The following GRID2 variants were observed in gnomAD, a reference collection of about 807,000 sequenced individuals.
GRID2 encodes glutamate ionotropic receptor delta type subunit 2, also known as glutamate receptor ionotropic, delta-2.
A neutral mutation model predicts 114.8 loss-of-function variants in GRID2; 33 were observed. The observed-to-expected ratio is 0.29, with a 90% CI of 0.22 to 0.38. The LOEUF (loss-of-function observed/expected upper bound fraction) is 0.38, where lower values mean the gene tolerates loss of function less well. Among genes scored for constraint, GRID2 ranks in the 10% least tolerant of loss-of-function variants. The pLI, the probability that GRID2 is intolerant of heterozygous loss-of-function variation, is 1.00. For missense variants in GRID2, 1,184 were observed against 1,257.7 expected, an observed-to-expected ratio of 0.94 and a Z score of 0.89; for synonymous variants, 505 against 449.9, an observed-to-expected ratio of 1.12 and a Z score of -1.55.
intron 4 of GRID2, among the ~76,000 whole-genome samples, chr4:93,157,896 C>A (rs72889616): frequency 0.026 from 3,897 of 151,798 alleles, 134 homozygotes; most frequent in African/African-American, 0.077. Context: ...GTTTCATTGT[C>A]CCATCAGATT....
At chr4:92,306,580 A>G (rs1725420019) in intron 1 of GRID2, among the ~76,000 whole-genome samples, 1 of 152,216 alleles carries the variant, frequency 6.6e-6, no homozygotes, top group African/African-American at 2.4e-5. Flanking sequence ...CAGGAGGGAA[A>G]GCCTGTGGAA....
chr4:92,909,657 A>C (rs759938281), intron 2 of GRID2, among the ~76,000 whole-genome samples: 1 of 152,116 alleles, frequency 6.6e-6, no homozygotes, highest in African/African-American at 2.4e-5. Context: ...AAAGTGTAAA[A>C]ATGTGTCTTA....
At chr4:93,217,144 G>A (rs574204727) in intron 6 of GRID2, 93 of 332,214 alleles carry the variant, frequency 2.8e-4, no homozygotes, top group Middle Eastern at 2.7e-3. Flanking sequence ...AATAAGTAAA[G>A]GTTATTTTCT....
At chr4:92,840,239 CA>C (rs1377024210) in intron 2 of GRID2, among the ~76,000 whole-genome samples, 2 of 151,932 alleles carry the variant, frequency 1.3e-5, no homozygotes, top group African/African-American at 4.8e-5. Context: ...TTGTATTCAA[CA>C]GATGCAGATC....
At chr4:92,604,364 A>G (rs1227386252) in intron 2 of GRID2, among the ~76,000 whole-genome samples, 1 of 152,176 alleles carries the variant, frequency 6.6e-6, no homozygotes, top group South Asian at 2.1e-4. Context: ...AGCCATAAAA[A>G]GGAATGAGAT....
chr4:92,807,172 C>T (rs554273939), intron 2 of GRID2, among the ~76,000 whole-genome samples: 3 of 151,960 alleles, frequency 2.0e-5, no homozygotes, highest in African/African-American at 7.2e-5. Context: ...GCTTTCTTGT[C>T]ATTTGATCAT....
At chr4:93,564,120 A>G (rs1230193926) in intron 13 of GRID2, among the ~76,000 whole-genome samples, 3 of 151,980 alleles carry the variant, frequency 2.0e-5, no homozygotes, top group African/African-American at 7.2e-5. Flanking sequence ...TAAAAAAGGT[A>G]GAAGATATTA....
At chr4:93,540,436 A>G (rs1051184768) in intron 13 of GRID2, among the ~76,000 whole-genome samples, 6 of 152,094 alleles carry the variant, frequency 3.9e-5, no homozygotes, top group African/African-American at 1.4e-4. Flanking sequence ...ATATTTTAAA[A>G]TTAAGAACCA....
At chr4:92,845,973 C>A (rs1296454838) in intron 2 of GRID2, among the ~76,000 whole-genome samples, 1 of 152,026 alleles carries the variant, frequency 6.6e-6, no homozygotes, top group Non-Finnish European at 1.5e-5. Context: ...TCATTTCTAG[C>A]CCCAACCTCA....
chr4:92,338,314 A>T (rs759579755), intron 1 of GRID2, among the ~76,000 whole-genome samples: 5 of 152,216 alleles, frequency 3.3e-5, no homozygotes, highest in Non-Finnish European at 7.3e-5. Context: ...TTAAATTTTA[A>T]ACTTTATAGA....
intron 2 of GRID2, among the ~76,000 whole-genome samples, chr4:93,028,283 G>C (rs939109475): frequency 6.6e-6 from 1 of 152,054 alleles, no homozygotes. Context: ...TGATAAAGAA[G>C]GTATCTAGAA....
At chr4:93,120,658 A>G (rs1579045673) in intron 4 of GRID2, among the ~76,000 whole-genome samples, 1 of 152,174 alleles carries the variant, frequency 6.6e-6, no homozygotes, top group East Asian at 1.9e-4. Context: ...AGAGCTTAAA[A>G]CATAGATGAT....
chr4:92,980,314 AT>A (rs986117178), intron 2 of GRID2, among the ~76,000 whole-genome samples: 1 of 152,158 alleles, frequency 6.6e-6, no homozygotes, highest in African/African-American at 2.4e-5. Flanking sequence ...CAGAAAAAAA[AT>A]GTTATGAGAA....
intron 2 of GRID2, among the ~76,000 whole-genome samples, chr4:92,661,724 TTAA>T (rs1043106993): frequency 6.6e-6 from 1 of 151,000 alleles, no homozygotes; most frequent in Non-Finnish European, 1.5e-5. Context: ...TTCTGTTGTC[TTAA>T]TGATGATGTA....
intron 13 of GRID2, among the ~76,000 whole-genome samples, chr4:93,576,039 T>C (rs76608310): frequency 0.012 from 1,810 of 152,282 alleles, 25 homozygotes; most frequent in African/African-American, 0.041. Context: ...GATATTTTAA[T>C]TGAGAAGCTT....
At chr4:92,341,912 CAAA>C (rs1308783496) in intron 1 of GRID2, among the ~76,000 whole-genome samples, 2 of 77,472 alleles carry the variant, frequency 2.6e-5, no homozygotes. Context: ...GACTCCATCT[CAAA>C]AAAAAAAAAA....
At chr4:93,408,627 C>T (rs1766780918) in intron 9 of GRID2, among the ~76,000 whole-genome samples, 1 of 152,026 alleles carries the variant, frequency 6.6e-6, no homozygotes, top group African/African-American at 2.4e-5. Flanking sequence ...TAAGAGCTGG[C>T]ACAGAGGTCA....
At chr4:92,763,262 A>AT (rs1375075758) in intron 2 of GRID2, among the ~76,000 whole-genome samples, 1 of 152,186 alleles carries the variant, frequency 6.6e-6, no homozygotes, top group East Asian at 1.9e-4. Flanking sequence ...CTGGGTATAC[A>AT]TTGAAAAACT....
chr4:93,014,087 T>A lies in GRID2; in HGVS notation c.245-70908T>A, dbSNP rs191624821. Among the ~76,000 whole-genome samples the A allele has an allele frequency of 5.1e-4, 77 of 152,194 alleles. No individual in the cohort carries two copies. In the Middle Eastern group the frequency reaches 0.017, roughly 34 times the overall value. ...GTGGAGAGAAAGGGAATAAATTAAT[T>A]CTGCTCATGTGTCAGTTGAAAGGCT... On this transcript the variant is annotated intron_variant, in intron 2 of 15. Coordinates refer to ENST00000282020, the MANE Select transcript of GRID2 (RefSeq NM_001510.4).
Sources: gnomAD v4.1 joint callset for allele counts (sites outside exome capture counted in the v4.1 genomes callset) on GRCh38, gnomAD v4.1.1 for gene constraint, MANE v1.5 for transcripts, NCBI Gene and HGNC (gene_info 2026-07-23, HGNC 2026-07-21) for gene names.